ECHDC1: variants seen among roughly 807,000 people sequenced by gnomAD.
ECHDC1 encodes the protein ethylmalonyl-CoA decarboxylase.
ECHDC1 carries 29 observed loss-of-function variants against 29.7 expected under a neutral mutation model. The observed-to-expected ratio is 0.98, with a 90% confidence interval of 0.73 to 1.33. ECHDC1 has a LOEUF of 1.33. ECHDC1 is among the 40% of genes most tolerant of loss of function. The probability of loss-of-function intolerance (pLI) is 0.00; values close to 1 mark genes in which losing one functional copy is unlikely to be tolerated. For missense variants in ECHDC1, 328 were observed against 350.0 expected (o/e 0.94, Z 0.50); for synonymous variants, 126 against 123.1 (o/e 1.02, Z -0.15).
intron 5 of ECHDC1, among the ~76,000 whole-genome samples, chr6:127,312,789 T>A (rs954435714): frequency 1.3e-5 from 2 of 151,974 alleles, no homozygotes; most frequent in African/African-American, 4.8e-5. Context: ...CACAGATAAA[T>A]CTCAGAAACA....
intron 5 of ECHDC1, among the ~76,000 whole-genome samples, chr6:127,297,793 T>C (rs1013071858): frequency 1.3e-5 from 2 of 152,144 alleles, no homozygotes; most frequent in African/African-American, 4.8e-5. Context: ...GCTACAGAGA[T>C]GAGGGGAGTT....
At chr6:127,308,116 A>G (rs1345218924) in intron 5 of ECHDC1, among the ~76,000 whole-genome samples, 2 of 152,174 alleles carry the variant, frequency 1.3e-5, no homozygotes, top group African/African-American at 4.8e-5. Flanking sequence ...ATTCTGAAAA[A>G]TAGAGGAGGG....
Position 127,290,277 on chromosome 6 carries a change from C to T in ECHDC1, c.498G>A (p.Arg166=), listed in dbSNP as rs112937937. 75 of 1,604,942 alleles carry T rather than the reference C, an allele frequency of 4.7e-5. No individual in the cohort carries two copies. In the African/African-American group the frequency reaches 8.5e-4, roughly 18 times the overall value. ...GAEFTTACDF[R]LMTPESKIRF... ...TGATCTTACTCTCTGGAGTCATTAA[C>T]CTGTAAAAGAAAAAAGAAAAGCTTA... The change falls in exon 6 of 6, where the codon AGG becomes AGA. Residue 166 remains arginine (R), a splice_region_variant and synonymous_variant. Coordinates refer to ENST00000454859, the MANE Select transcript of ECHDC1 (RefSeq NM_001002030.2).
chr6:127,318,938 A>T (rs1189399488), intron 3 of ECHDC1, among the ~76,000 whole-genome samples: 1 of 152,264 alleles, frequency 6.6e-6, no homozygotes. Context: ...AAGCTTTCAA[A>T]GTAAACTGGT....
At chr6:127,336,565 G>C (rs748543286) in intron 1 of ECHDC1, among the ~76,000 whole-genome samples, 1 of 152,104 alleles carries the variant, frequency 6.6e-6, no homozygotes, top group African/African-American at 2.4e-5. Context: ...TGGAAAATGA[G>C]CTATCCTGGT....
intron 1 of ECHDC1, among the ~76,000 whole-genome samples, chr6:127,339,054 A>T (rs1255485035): frequency 6.6e-6 from 1 of 151,976 alleles, no homozygotes; most frequent in Non-Finnish European, 1.5e-5. Flanking sequence ...ATATTGACAG[A>T]TGTCCTGTTC....
chr6:127,340,502 A>G lies in ECHDC1; in HGVS notation c.-3+2834T>C, dbSNP rs182489712. Among the ~76,000 whole-genome samples, 5 of 152,350 alleles carry G rather than the reference A, an allele frequency of 3.3e-5. No homozygotes were observed. The East Asian group carries it at 9.6e-4, about 29-fold the overall frequency. ...CTTAGGAATGCTTCTAGTCTAGGGA[A>G]AATAAGCTGTCAAGGTCATGTACCA... On this transcript the variant is annotated intron_variant, in intron 1 of 5. Transcript: ENST00000454859.
rs928272222 is a variant in ECHDC1 at position 127,339,754 on chromosome 6, C to T, written c.-3+3582G>A. ...CACCACTGCACTCCAGCCATGGTGA[C>T]AGAGCGAGAGACTCTGTCTCAAAAA... On this transcript the variant is annotated intron_variant, in intron 1 of 5. Coordinates refer to ENST00000454859, the MANE Select transcript of ECHDC1 (RefSeq NM_001002030.2). Among the ~76,000 whole-genome samples the T allele has an allele frequency of 5.2e-5, 7 of 134,792 alleles. No homozygotes were observed. In the Admixed American group the frequency reaches 5.6e-4, roughly 11 times the overall value. The allele number at this position is 134,792 out of a possible 152,430, so 88.4% of individuals were successfully genotyped here. A position where few individuals can be genotyped will look rare whatever the true frequency, so the allele number is the denominator to read the frequency against.
At chr6:127,316,813 T>C (rs561993144) in intron 3 of ECHDC1, among the ~76,000 whole-genome samples, 12 of 152,210 alleles carry the variant, frequency 7.9e-5, no homozygotes, top group Non-Finnish European at 1.6e-4. Context: ...GCATAAGATA[T>C]ACCCATCTGT....
intron 5 of ECHDC1, among the ~76,000 whole-genome samples, chr6:127,297,079 G>T (rs1451503518): frequency 2.0e-5 from 3 of 152,124 alleles, no homozygotes; most frequent in African/African-American, 4.8e-5. Context: ...CCTTACCCAT[G>T]AAATTGGCAA....
intron 5 of ECHDC1, among the ~76,000 whole-genome samples, chr6:127,307,307 G>C (rs1027346312): frequency 6.6e-6 from 1 of 152,090 alleles, no homozygotes; most frequent in African/African-American, 2.4e-5. Flanking sequence ...AAATACTAAA[G>C]ATCAGAGCAG....
chr6:127,314,866 T>C lies in ECHDC1; in HGVS notation c.447A>G (p.Gln149=). The part of the protein sequence containing the change: ...RLPLISVALV[Q]GWALGGGAEF... ...CTGCTCCTCCACCCAATGCCCAACC[T>C]TGAACCAGCGCAACACTTATTAAAG... is the stretch of plus-strand genomic sequence containing the variant. The change falls in exon 5 of 6, where the codon CAA becomes CAG. Residue 149 remains glutamine (Q), a synonymous_variant. Coordinates refer to ENST00000454859, the MANE Select transcript of ECHDC1 (RefSeq NM_001002030.2). The C allele has an allele frequency of 1.2e-6, 2 of 1,612,280 alleles. No individual in the cohort carries two copies. Among genetic ancestry groups the C allele is most frequent in the Non-Finnish European group, 1.7e-6 (2 of 1,179,112 alleles).
At chr6:127,295,455 C>T (rs1036084795) in intron 5 of ECHDC1, among the ~76,000 whole-genome samples, 2 of 152,054 alleles carry the variant, frequency 1.3e-5, no homozygotes, top group Non-Finnish European at 2.9e-5. Flanking sequence ...GTATAAACAG[C>T]TCAATATCCC....
intron 3 of ECHDC1, 48 bp from the exon 4 acceptor site, chr6:127,316,550 T>C: frequency 6.8e-7 from 1 of 1,479,406 alleles, no homozygotes; most frequent in Non-Finnish European, 9.1e-7. Context: ...GCAAATATAT[T>C]ACATTAAATT....
intron 2 of ECHDC1, among the ~76,000 whole-genome samples, chr6:127,329,582 C>T (rs1042994699): frequency 6.6e-6 from 1 of 152,008 alleles, no homozygotes; most frequent in African/African-American, 2.4e-5. Flanking sequence ...GTACTGAGCA[C>T]TTGATACGTG....
rs117030178 is a variant in ECHDC1, at chr6:127,313,561, C to T, written c.497+1255G>A. ...AAATATGTAGAGCACTACATGCCAG[C>T]GCAGAATCACTTTCTCTTCAGTGTC... On this transcript the variant is annotated intron_variant, in intron 5 of 5. Transcript: ENST00000454859. 989 of 455,942 alleles carry T rather than the reference C, an allele frequency of 2.2e-3. 1 individual carries two copies. Among genetic ancestry groups the T allele is most frequent in the African/African-American group, 3.5e-3 (178 of 50,166 alleles). The allele number at this position is 455,942 out of a possible 1,614,324, so 28.2% of individuals were successfully genotyped here.
intron 5 of ECHDC1, among the ~76,000 whole-genome samples, chr6:127,308,465 C>T (rs1389869930): frequency 6.6e-6 from 1 of 152,128 alleles, no homozygotes; most frequent in African/African-American, 2.4e-5. Context: ...TGATAAAAAA[C>T]TACCAAGAAA....
intron 5 of ECHDC1, among the ~76,000 whole-genome samples, chr6:127,293,569 T>C (rs1368984965): frequency 6.6e-6 from 1 of 152,180 alleles, no homozygotes; most frequent in Non-Finnish European, 1.5e-5. Context: ...TGTCTCTTGA[T>C]AGATACTTTG....
At chr6:127,307,369 G>A (rs1358144641) in intron 5 of ECHDC1, among the ~76,000 whole-genome samples, 7 of 151,754 alleles carry the variant, frequency 4.6e-5, no homozygotes, top group East Asian at 1.9e-4. Flanking sequence ...GGTGGCTCAC[G>A]CCTGTAATCC....
Sources: gnomAD v4.1 joint callset for allele counts (sites outside exome capture counted in the v4.1 genomes callset) on GRCh38, gnomAD v4.1.1 for gene constraint, MANE v1.5 for transcripts, NCBI Gene and HGNC (gene_info 2026-07-23, HGNC 2026-07-21) for gene names.